CDH4: variants seen among roughly 807,000 people sequenced by gnomAD.
The protein encoded by CDH4 is cadherin 4, also known as cadherin-4.
A neutral mutation model predicts 86.0 loss-of-function variants in CDH4; 33 were observed. That is an observed-to-expected ratio of 0.38 (90% confidence interval 0.29 to 0.51). CDH4 has a LOEUF of 0.51. Among genes scored for constraint, CDH4 ranks in the 20% least tolerant of loss-of-function variants. The pLI is 0.86. For missense variants in CDH4, 1,114 were observed against 1,307.4 expected (o/e 0.85, Z 2.28); for synonymous variants, 555 against 549.4 (o/e 1.01, Z -0.14).
At position 61,252,567 on chromosome 20, in the gene CDH4, C is replaced by G; in HGVS notation, c.54C>G (p.Leu18=). Residue 18 remains leucine (L), a synonymous_variant, in exon 1 of 16, where the codon CTC becomes CTG. Coordinates refer to ENST00000614565, the MANE Select transcript of CDH4 (RefSeq NM_001794.5). This position sits in a 1 kb window ranked among gnomAD's most constrained non-coding sequence, Gnocchi z 4.4. The stretch of plus-strand genomic sequence containing the variant: ...TGCTGCTCTCGCTCTCCGGCGCGCT[C>G]CGGGTAAGTTGCCGCCTCCCGCCCC... ...LLLLLSLSGA[L]RAHNEDLTTR... is the part of the protein sequence containing the mutation. The G allele has an allele frequency of 8.3e-7, 1 of 1,205,302 alleles. No individual in the cohort carries two copies. The highest frequency in any genetic ancestry group is 1.0e-6 in the Non-Finnish European group (1 of 970,608). The allele number at this position is 1,205,302 out of a possible 1,614,324, so 74.7% of individuals were successfully genotyped here.
intron 2 of CDH4, among the ~76,000 whole-genome samples, chr20:61,618,731 G>T (rs577079162): frequency 6.6e-6 from 1 of 152,204 alleles, no homozygotes; most frequent in African/African-American, 2.4e-5. Flanking sequence ...CTATTGTTTC[G>T]GTTAACTGAG....
chr20:61,349,690 G>A (rs192241994), intron 2 of CDH4, among the ~76,000 whole-genome samples: 208 of 152,286 alleles, frequency 1.4e-3, no homozygotes, highest in African/African-American at 4.7e-3. Context: ...CGTGAGGCAC[G>A]CCCTTGTGTT....
At chr20:61,932,594 C>T (rs112592067) in intron 13 of CDH4, among the ~76,000 whole-genome samples, 7 of 152,134 alleles carry the variant, frequency 4.6e-5, no homozygotes, top group African/African-American at 9.7e-5. Flanking sequence ...CAGATCTACA[C>T]GCTCACACCC....
intron 3 of CDH4, among the ~76,000 whole-genome samples, chr20:61,749,594 A>T (rs1044837879): frequency 3.9e-5 from 6 of 152,200 alleles, no homozygotes; most frequent in African/African-American, 7.2e-5. Context: ...GAAAATCCCC[A>T]TAGATTTAGA....
chr20:61,879,011 A>G lies in CDH4; in HGVS notation c.1050+5111A>G, dbSNP rs766828405. ...TTATAATTATAACCGCTTCTGCAGC[A>G]GAGGATGCACGTTGTCGGATTTTCA... On this transcript the variant is annotated intron_variant, in intron 7 of 15. Coordinates refer to ENST00000614565, the MANE Select transcript of CDH4 (RefSeq NM_001794.5). The surrounding 1 kb of genome is among the most constrained non-coding windows in gnomAD (Gnocchi z 4.1). 2.0e-5 allele frequency among the ~76,000 whole-genome samples: 3 copies of G among 152,256 alleles called. No individual in the cohort carries two copies. The highest frequency in any genetic ancestry group is 2.9e-5 in the Non-Finnish European group (2 of 68,040).
At chr20:61,816,818 T>G (rs751715422) in intron 4 of CDH4, among the ~76,000 whole-genome samples, 5 of 152,126 alleles carry the variant, frequency 3.3e-5, no homozygotes, top group Non-Finnish European at 7.4e-5. Context: ...GACACTCCCA[T>G]CAGCAGGCAG....
At chr20:61,545,194 C>T (rs1389296246) in intron 2 of CDH4, among the ~76,000 whole-genome samples, 1 of 152,248 alleles carries the variant, frequency 6.6e-6, no homozygotes, top group African/African-American at 2.4e-5. Flanking sequence ...TTTACTGCTC[C>T]CATGTGGGAG....
At chr20:61,757,629 A>T (rs1405900250) in intron 3 of CDH4, among the ~76,000 whole-genome samples, 1 of 152,234 alleles carries the variant, frequency 6.6e-6, no homozygotes, top group Non-Finnish European at 1.5e-5. Flanking sequence ...GGCAGACCTC[A>T]GTGCAGACAC....
At chr20:61,486,308 G>A (rs1034350028) in intron 2 of CDH4, among the ~76,000 whole-genome samples, 3 of 152,232 alleles carry the variant, frequency 2.0e-5, no homozygotes, top group African/African-American at 7.2e-5. Flanking sequence ...AGAGTGATGG[G>A]CCAGTGCCCA....
intron 2 of CDH4, among the ~76,000 whole-genome samples, chr20:61,512,388 A>G (rs1235122652): frequency 6.6e-6 from 1 of 152,176 alleles, no homozygotes; most frequent in Non-Finnish European, 1.5e-5. Context: ...GATCATTTCA[A>G]TCGACCATAC....
Position 61,632,313 on chromosome 20 carries a change from C to G in CDH4, c.170-111250C>G, listed in dbSNP as rs527934345. Among the ~76,000 whole-genome samples, 8 of 152,240 alleles carry G rather than the reference C, an allele frequency of 5.3e-5. 1 individual carries two copies. In the South Asian group the frequency reaches 1.7e-3, roughly 32 times the overall value. On this transcript the variant is annotated intron_variant, in intron 2 of 15. Coordinates refer to ENST00000614565, the MANE Select transcript of CDH4 (RefSeq NM_001794.5). The stretch of plus-strand genomic sequence containing the variant: ...CTTGCCCTGCCTATCTGGAGTGTGG[C>G]TCCTGAGCTGTGCACTTATACAATA...
At chr20:61,740,833 G>T (rs1227485694) in intron 2 of CDH4, 7 of 152,282 alleles carry the variant, frequency 4.6e-5, no homozygotes, top group African/African-American at 1.7e-4. Context: ...GAAACAGGAT[G>T]TTGGGACTGC....
chr20:61,698,043 G>T (rs2087733958), intron 2 of CDH4, among the ~76,000 whole-genome samples: 1 of 152,252 alleles, frequency 6.6e-6, no homozygotes, highest in South Asian at 2.1e-4. Flanking sequence ...CACTGAGCTG[G>T]CACCATCTTG....
intron 2 of CDH4, among the ~76,000 whole-genome samples, chr20:61,384,389 C>A (rs2084940089): frequency 6.6e-6 from 1 of 152,118 alleles, no homozygotes; most frequent in Non-Finnish European, 1.5e-5. Context: ...AATGGGGGTG[C>A]TAAAGATCTG....
chr20:61,858,848 G>C (rs570234751), intron 6 of CDH4, among the ~76,000 whole-genome samples: 17 of 152,320 alleles, frequency 1.1e-4, no homozygotes, highest in African/African-American at 3.1e-4. Context: ...GGGCCATGAT[G>C]AACTGAGCTG....
chr20:61,558,596 G>A (rs1050950263), intron 2 of CDH4, among the ~76,000 whole-genome samples: 3 of 152,312 alleles, frequency 2.0e-5, no homozygotes, highest in South Asian at 2.1e-4. Context: ...CAGGAAATGC[G>A]TATCAGGCAA....
intron 7 of CDH4, among the ~76,000 whole-genome samples, chr20:61,882,981 C>T (rs528527764): frequency 1.3e-5 from 2 of 152,280 alleles, no homozygotes; most frequent in East Asian, 3.9e-4. Context: ...CTGTCCACGC[C>T]CAGAAGCCCA....
chr20:61,563,383 C>T (rs536229732), intron 2 of CDH4, among the ~76,000 whole-genome samples: 3 of 152,322 alleles, frequency 2.0e-5, no homozygotes, highest in East Asian at 1.9e-4. Context: ...GAGAGCTGGC[C>T]GGCCCAGGAA....
chr20:61,418,790 T>C (rs2085161234), intron 2 of CDH4, among the ~76,000 whole-genome samples: 1 of 152,136 alleles, frequency 6.6e-6, no homozygotes, highest in African/African-American at 2.4e-5. Context: ...GAGGATTGCT[T>C]GAGCCCAGGA....
Sources: allele counts gnomAD v4.1 joint callset (sites outside exome capture counted in the v4.1 genomes callset), GRCh38; gene constraint gnomAD v4.1.1; non-coding constraint Gnocchi (gnomAD v3.1); transcripts MANE v1.5; gene names NCBI Gene and HGNC (gene_info 2026-07-23, HGNC 2026-07-21).